The following WDPCP variants were observed in gnomAD, a reference collection of about 807,000 sequenced individuals.
The protein encoded by WDPCP is WD repeat containing planar cell polarity effector, also known as WD repeat-containing and planar cell polarity effector protein fritz homolog.
In WDPCP, 71 loss-of-function variants were observed where a neutral mutation model predicts 93.1. The ratio of observed to expected loss-of-function variants is 0.76; its 90% CI spans 0.63 to 0.93. WDPCP has a LOEUF of 0.93. WDPCP is among the 40% of genes least tolerant of loss of function. The pLI, the probability that WDPCP is intolerant of heterozygous loss-of-function variation, is 0.00. For synonymous variants in WDPCP, 315 were observed against 315.0 expected (o/e 1.00, Z 0.00); for missense variants, 844 against 887.4 (o/e 0.95, Z 0.62).
chr2:63,219,913 A>G (rs1273057549), intron 14 of WDPCP, among the ~76,000 whole-genome samples: 1 of 152,118 alleles, frequency 6.6e-6, no homozygotes, highest in African/African-American at 2.4e-5. Context: ...GAGGCAGAAG[A>G]ATCGCTTGAA....
chr2:63,318,644 T>TAAGAG (rs1290837333), intron 12 of WDPCP, among the ~76,000 whole-genome samples: 1 of 152,134 alleles, frequency 6.6e-6, no homozygotes, highest in East Asian at 1.9e-4. Flanking sequence ...GCCACTATCC[T>TAAGAG]AAGAGAATTA....
intron 17 of WDPCP, among the ~76,000 whole-genome samples, chr2:63,127,803 A>C (rs1325052813): frequency 6.6e-6 from 1 of 151,706 alleles, no homozygotes; most frequent in East Asian, 1.9e-4. Context: ...TATATCTACC[A>C]TAATTCCACA....
At chr2:63,774,403 T>C (rs1248833705) in intron 2 of WDPCP, among the ~76,000 whole-genome samples, 1 of 152,114 alleles carries the variant, frequency 6.6e-6, no homozygotes, top group Non-Finnish European at 1.5e-5. Context: ...ATTTTCTCAC[T>C]TCAGTTCTCT....
At chr2:63,521,843 A>G (rs1476564053) in intron 1 of WDPCP, among the ~76,000 whole-genome samples, 19 of 152,344 alleles carry the variant, frequency 1.2e-4, no homozygotes, top group Non-Finnish European at 1.5e-5. Context: ...CTCGGGCCAC[A>G]GCGCAATAAA....
chr2:63,781,804 G>C (rs1433719801), intron 2 of WDPCP, among the ~76,000 whole-genome samples: 4 of 152,166 alleles, frequency 2.6e-5, no homozygotes, highest in African/African-American at 4.8e-5. Context: ...AGTAAGTGAA[G>C]TTGTCACTTG....
In WDPCP at chr2:63,811,666, T is replaced by C. The variant is rs1053166298; in HGVS notation, n.308+1956A>G. 4.0e-5 allele frequency among the ~76,000 whole-genome samples: 6 copies of C among 151,738 alleles called. No homozygotes were observed. In the South Asian group the frequency reaches 1.0e-3, roughly 26 times the overall value. On this transcript the variant is annotated intron_variant and non_coding_transcript_variant, in intron 2 of 4. Coordinates refer to the WDPCP transcript ENST00000467687. ...TGTGCAGGTATGTTACCTGGGTATA[T>C]TGCTTGATGCTGAGGTTTGGGGTAT...
intron 3 of WDPCP, chr2:63,605,285 G>A: frequency 1.2e-6 from 2 of 1,604,398 alleles, no homozygotes; most frequent in Non-Finnish European, 1.7e-6. Context: ...CCCAGACTGT[G>A]CAGCAGCGTG....
At position 63,404,423 on chromosome 2, in the gene WDPCP, G is replaced by A. The variant is rs1025120581; in HGVS notation, c.1060C>T (p.Leu354=). Residue 354 remains leucine (L), a synonymous_variant, in exon 10 of 18, where the codon CTG becomes TTG. Coordinates refer to ENST00000272321, the MANE Select transcript of WDPCP (RefSeq NM_015910.7). ...ATTAGCGAAGAATCTTCACAGCCCA[G>A]AATCAGTTTGTCTTCAGTAACATTC... ...CRNVTEDKLI[L]GCEDSSLILY... is the part of the protein sequence containing the mutation. 8 of 1,614,196 alleles carry A rather than the reference G, an allele frequency of 5.0e-6. No homozygotes were observed. Among genetic ancestry groups the A allele is most frequent in the Non-Finnish European group, 6.8e-6 (8 of 1,180,016 alleles).
chr2:63,271,291 CCAG>C (rs774338337), intron 13 of WDPCP, among the ~76,000 whole-genome samples: 3 of 152,238 alleles, frequency 2.0e-5, no homozygotes, highest in Non-Finnish European at 4.4e-5. Context: ...AGCCCAGAGA[CCAG>C]CCAACCTGGG....
At chr2:63,525,273 C>G (rs973446147) in intron 1 of WDPCP, among the ~76,000 whole-genome samples, 2 of 151,974 alleles carry the variant, frequency 1.3e-5, no homozygotes, top group Admixed American at 6.6e-5. Context: ...AGGGTGAGGA[C>G]AGAAAACCTA....
At chr2:63,231,503 T>C (rs1170812399) in intron 14 of WDPCP, among the ~76,000 whole-genome samples, 4 of 152,102 alleles carry the variant, frequency 2.6e-5, no homozygotes, top group Non-Finnish European at 4.4e-5. Context: ...AAAATCAATG[T>C]GCAAAAATCA....
intron 2 of WDPCP, among the ~76,000 whole-genome samples, chr2:63,800,647 C>A (rs967083615): frequency 6.6e-6 from 1 of 152,070 alleles, no homozygotes; most frequent in Non-Finnish European, 1.5e-5. Flanking sequence ...TTTTTTAAAG[C>A]GATATCTAAA....
chr2:63,521,034 C>A (rs969917327), intron 1 of WDPCP, among the ~76,000 whole-genome samples: 1 of 152,130 alleles, frequency 6.6e-6, no homozygotes, highest in African/African-American at 2.4e-5. Context: ...TACCCCCAGA[C>A]CTGCCTTACA....
chr2:63,203,291 A>C (rs1027969917), intron 14 of WDPCP, among the ~76,000 whole-genome samples: 1 of 152,160 alleles, frequency 6.6e-6, no homozygotes, highest in South Asian at 2.1e-4. Context: ...CACCTCAGGC[A>C]TTTATCCTTT....
At chr2:63,528,428 T>C (rs1343672393) in intron 1 of WDPCP, among the ~76,000 whole-genome samples, 2 of 152,248 alleles carry the variant, frequency 1.3e-5, no homozygotes, top group Non-Finnish European at 2.9e-5. Context: ...TTCAGCTTTC[T>C]ACATATGACT....
At chr2:63,420,329 C>CCT (rs1214587262) in intron 9 of WDPCP, among the ~76,000 whole-genome samples, 1 of 143,582 alleles carries the variant, frequency 7.0e-6, no homozygotes, top group Non-Finnish European at 1.5e-5. Flanking sequence ...TTGGGACCAG[C>CCT]CTGACCAACA....
chr2:63,588,535 G>A, upstream of WDPCP: 1 of 592,306 alleles, frequency 1.7e-6, no homozygotes, highest in East Asian at 2.9e-5. Context: ...TTTCCGGGTC[G>A]ATCCAGCTTT....
chr2:63,204,620 G>T (rs1676188554), intron 14 of WDPCP, among the ~76,000 whole-genome samples: 1 of 152,116 alleles, frequency 6.6e-6, no homozygotes. Context: ...GGGATGACAG[G>T]CATGAGCCAC....
At chr2:63,726,024 G>T in intron 2 of WDPCP, among the ~76,000 whole-genome samples, 1 of 152,172 alleles carries the variant, frequency 6.6e-6, no homozygotes, top group South Asian at 2.1e-4. Context: ...ATCTCTTGCT[G>T]TGCAGAAGCT....
Sources: gnomAD v4.1 joint callset for allele counts (sites outside exome capture counted in the v4.1 genomes callset) on GRCh38, gnomAD v4.1.1 for gene constraint, MANE v1.5 for transcripts, NCBI Gene and HGNC (gene_info 2026-07-23, HGNC 2026-07-21) for gene names.